The following C3orf33 variants were observed in gnomAD, a reference collection of about 807,000 sequenced individuals.
The protein encoded by C3orf33 is mitochondrial inner membrane subdomain organizer 1.
Under a neutral mutation model 28.7 loss-of-function variants are expected in C3orf33, and 23 were observed. The observed-to-expected ratio is 0.80, with a 90% CI of 0.58 to 1.13. The LOEUF (loss-of-function observed/expected upper bound fraction) is 1.13. Ranked by LOEUF, C3orf33 falls within the 50% of genes most tolerant of loss-of-function variation. C3orf33 has a pLI of 0.00. For synonymous variants in C3orf33, 119 were observed against 120.5 expected, an observed-to-expected ratio of 0.99 and a Z score of 0.08; for missense variants, 327 against 353.4, an observed-to-expected ratio of 0.93 and a Z score of 0.60.
chr3:155,767,761 A>G lies in C3orf33; in HGVS notation c.323-92T>C, dbSNP rs557996314. The stretch of plus-strand genomic sequence containing the variant: ...TGGCCTCCAACAAACAAACAAATAT[A>G]TTATGTTTATTTATAAATACCCAGT... On this transcript the variant is annotated intron_variant, in intron 3 of 4. Transcript: ENST00000340171. 110 of 810,458 alleles carry G rather than the reference A, an allele frequency of 1.4e-4. 2 individuals are homozygous for G. The South Asian group carries it at 3.1e-3, about 23-fold the overall frequency. 50.2% of individuals were successfully genotyped at this position (810,458 alleles called of 1,614,324 possible).
intron 2 of C3orf33, among the ~76,000 whole-genome samples, chr3:155,796,860 A>G (rs531206597): frequency 1.3e-5 from 2 of 152,374 alleles, no homozygotes; most frequent in South Asian, 4.1e-4. Flanking sequence ...ATGGTTCAAC[A>G]TACATAAATC....
At chr3:155,795,455 C>CAAAAAAAAAAAAAAAAAAAAAA (rs1751448781) in intron 2 of C3orf33, among the ~76,000 whole-genome samples, 1 of 150,718 alleles carries the variant, frequency 6.6e-6, no homozygotes, top group African/African-American at 2.4e-5. Flanking sequence ...GACTTCATCT[C>CAAAAAAAAAAAAAAAAAAAAAA]AAAAATAAAT....
rs189449683 is a variant in C3orf33 at position 155,783,871 on chromosome 3, A to G, written c.175-8023T>C. 3.4e-3 allele frequency among the ~76,000 whole-genome samples: 513 copies of G among 152,064 alleles called. 1 individual carries two copies. The highest frequency in any genetic ancestry group is 5.9e-3 in the Non-Finnish European group (400 of 67,996). ...GTTTTCTACATAATTTTAAAGACTC[A>G]GATATTTTAAAAATTATTAGTTTAT... On this transcript the variant is annotated intron_variant, in intron 2 of 4. Coordinates refer to ENST00000340171, the MANE Select transcript of C3orf33 (RefSeq NM_001308229.2).
intron 4 of C3orf33, among the ~76,000 whole-genome samples, chr3:155,765,585 TCAC>T (rs1006807628): frequency 7.2e-5 from 11 of 152,218 alleles, no homozygotes; most frequent in African/African-American, 2.7e-4. Flanking sequence ...TCTCACTCTG[TCAC>T]CCAGGCTGGA....
chr3:155,789,904 T>C (rs1751257997), intron 2 of C3orf33, among the ~76,000 whole-genome samples: 2 of 152,126 alleles, frequency 1.3e-5, no homozygotes, highest in Non-Finnish European at 2.9e-5. Context: ...AGGCTGGGCC[T>C]GTAATCCCAG....
At chr3:155,800,970 A>G (rs143762092) in intron 2 of C3orf33, among the ~76,000 whole-genome samples, 3,737 of 152,314 alleles carry the variant, frequency 0.025, 64 homozygotes, top group Middle Eastern at 0.051. Flanking sequence ...ACTCTTGTGC[A>G]TTGTTAGTGG....
At chr3:155,795,186 T>C (rs1751439860) in intron 2 of C3orf33, among the ~76,000 whole-genome samples, 1 of 152,250 alleles carries the variant, frequency 6.6e-6, no homozygotes, top group African/African-American at 2.4e-5. Flanking sequence ...CCGTGTGCGG[T>C]GGCTCACACC....
chr3:155,793,397 A>G (rs1463896569), intron 2 of C3orf33, among the ~76,000 whole-genome samples: 1 of 151,742 alleles, frequency 6.6e-6, no homozygotes, highest in Admixed American at 6.6e-5. Flanking sequence ...AAGAAAAAAA[A>G]CGGATGTTAA....
intron 1 of C3orf33, among the ~76,000 whole-genome samples, chr3:155,803,001 T>C (rs978329705): frequency 1.3e-5 from 2 of 152,170 alleles, no homozygotes; most frequent in Admixed American, 6.5e-5. Context: ...GGTCTAGTAC[T>C]TCCTATACAG....
At chr3:155,764,030 A>G (rs903428940) in intron 4 of C3orf33, 112 bp from the exon 5 acceptor site, 2 of 867,186 alleles carry the variant, frequency 2.3e-6, no homozygotes, top group African/African-American at 3.5e-5. Context: ...CTCCAAAGAA[A>G]AGGCAAAAAT....
chr3:155,782,620 A>G (rs1269746471), intron 2 of C3orf33, among the ~76,000 whole-genome samples: 1 of 152,202 alleles, frequency 6.6e-6, no homozygotes, highest in African/African-American at 2.4e-5. Context: ...AAGCAAGAAA[A>G]CTATAAACCA....
At position 155,806,235 on chromosome 3, in the gene C3orf33, C is replaced by G; in HGVS notation, c.18G>C (p.Ala6=). The G allele has an allele frequency of 6.8e-7, 1 of 1,465,326 alleles. No individual in the cohort carries two copies. Among genetic ancestry groups the G allele is most frequent in the Non-Finnish European group, 9.0e-7 (1 of 1,107,366 alleles). The allele number at this position is 1,465,326 out of a possible 1,614,324, so 90.8% of individuals were successfully genotyped here. ...TGTCGGCAGACGGCGAGCCGGTGGC[C>G]GCGGGCTGCCCCGCCATGTTCCCGG... MAGQP[A]ATGSPSADKD... is the part of the protein sequence containing the mutation. The change falls in exon 1 of 5, where the codon GCG becomes GCC. Residue 6 remains alanine (A), a synonymous_variant. Coordinates refer to ENST00000340171, the MANE Select transcript of C3orf33 (RefSeq NM_001308229.2).
chr3:155,767,552 C>T lies in C3orf33; in HGVS notation c.440G>A (p.Gly147Glu). 2 of 1,591,258 alleles carry T rather than the reference C, an allele frequency of 1.3e-6. No homozygotes were observed. The highest frequency in any genetic ancestry group is 2.3e-5 in the South Asian group (2 of 87,076). Reference protein sequence around the residue: ...PSQLLWFQLLGKENSALFCYL... With the variant: ...PSQLLWFQLLEKENSALFCYL... ...GCAAAAGAGTGCTGAATTCTCCTTT[C>T]CAAGAAGTTGGAACCATAGTAATTG... The change falls in exon 4 of 5, where the codon GGA becomes GAA. Residue 147 changes from glycine (G) to glutamate (E), a missense_variant. Physicochemically the swap from Gly to Glu is moderately conservative, Grantham distance 98. Transcript: ENST00000340171.
intron 2 of C3orf33, among the ~76,000 whole-genome samples, chr3:155,798,735 A>AT (rs533954103): frequency 7.8e-4 from 119 of 152,280 alleles, no homozygotes; most frequent in African/African-American, 2.8e-3. Flanking sequence ...AAAATACCCC[A>AT]TAAGCACAGG....
rs149447968 is a variant in C3orf33 at position 155,780,259 on chromosome 3, T to C, written c.175-4411A>G. ...GATGCTGTGTCTAAGCTTCAGACGG[T>C]GAAGAAGATGTCCTAAAGGCAAAAA... is the stretch of plus-strand genomic sequence containing the variant. On this transcript the variant is annotated intron_variant, in intron 2 of 4. Coordinates refer to ENST00000340171, the MANE Select transcript of C3orf33 (RefSeq NM_001308229.2). Among the ~76,000 whole-genome samples, 700 of 152,214 alleles carry C rather than the reference T, an allele frequency of 4.6e-3. 9 individuals carry two copies. The highest frequency in any genetic ancestry group is 0.016 in the African/African-American group (653 of 41,528).
intron 2 of C3orf33, among the ~76,000 whole-genome samples, chr3:155,778,186 T>C (rs1167203963): frequency 6.6e-6 from 1 of 150,512 alleles, no homozygotes; most frequent in Non-Finnish European, 1.5e-5. Flanking sequence ...ATATTCTTGA[T>C]TAAAGGAGTC....
chr3:155,763,685 C>G lies in C3orf33; in HGVS notation c.717G>C (p.Lys239Asn). 6.3e-7 allele frequency: 1 copy of G among 1,592,364 alleles called. No homozygotes were observed. Among genetic ancestry groups the G allele is most frequent in the South Asian group, 1.2e-5 (1 of 85,236 alleles). ...FKDSWREIWK[K>N]DSFLKTTGSD... ...ATCCTGTTGTTTTTAAAAAACTGTC[C>G]TTTTTCCATATTTCTCTCCAGGAAT... The change falls in exon 5 of 5, where the codon AAG becomes AAC. Residue 239 changes from lysine to asparagine, a missense_variant. Coordinates refer to ENST00000340171, the MANE Select transcript of C3orf33 (RefSeq NM_001308229.2).
intron 2 of C3orf33, among the ~76,000 whole-genome samples, chr3:155,783,070 C>A (rs1695518): frequency 6.6e-6 from 1 of 151,948 alleles, no homozygotes; most frequent in African/African-American, 2.4e-5. Flanking sequence ...ACAGCCAATA[C>A]TGGTATCCTG....
intron 1 of C3orf33, among the ~76,000 whole-genome samples, chr3:155,802,818 C>A (rs1293837101): frequency 6.6e-6 from 1 of 151,966 alleles, no homozygotes. Context: ...ATCTGGCACA[C>A]AGAGACATTT....
Sources: allele counts gnomAD v4.1 joint callset (sites outside exome capture counted in the v4.1 genomes callset), GRCh38; gene constraint gnomAD v4.1.1; transcripts MANE v1.5; gene names NCBI Gene and HGNC (gene_info 2026-07-23, HGNC 2026-07-21).